The following FMNL3 variants were observed in gnomAD, a reference collection of about 807,000 sequenced individuals.
The protein encoded by FMNL3 is formin-like protein 3.
In FMNL3, 57 loss-of-function variants were observed where a neutral mutation model predicts 119.6. The ratio of observed to expected loss-of-function variants is 0.48; its 90% confidence interval spans 0.39 to 0.59. The LOEUF is 0.59. FMNL3 is among the 20% of genes least tolerant of loss of function. FMNL3 has a pLI of 0.00. For missense variants in FMNL3, 1,053 were observed against 1,323.5 expected, an observed-to-expected ratio of 0.80 and a Z score of 3.17; for synonymous variants, 491 against 507.3, an observed-to-expected ratio of 0.97 and a Z score of 0.43.
In FMNL3 at chr12:49,637,871, A is replaced by T; in HGVS notation, c.*7944T>A. 4 of 1,453,878 alleles carry T rather than the reference A, an allele frequency of 2.8e-6. No homozygotes were observed. Among genetic ancestry groups the T allele is most frequent in the Non-Finnish European group, 3.9e-6 (4 of 1,037,944 alleles). The allele number at this position is 1,453,878 out of a possible 1,614,324, so 90.1% of individuals were successfully genotyped here. Reference sequence around the variant, plus strand: ...GATGGATACAGGATGGATGCAGGGCACACTCCCTGCAGAGGACTCCCTGAT... The same window carrying T: ...GATGGATACAGGATGGATGCAGGGCTCACTCCCTGCAGAGGACTCCCTGAT... On this transcript the variant is annotated 3_prime_UTR_variant, in exon 26 of 26. Coordinates refer to ENST00000335154, the MANE Select transcript of FMNL3 (RefSeq NM_175736.5).
chr12:49,643,847 C>T lies in FMNL3; in HGVS notation c.*1968G>A. 1 of 1,614,152 alleles carries T rather than the reference C, an allele frequency of 6.2e-7. No homozygotes were observed. The highest frequency in any genetic ancestry group is 1.3e-5 in the African/African-American group (1 of 75,040). On this transcript the variant is annotated 3_prime_UTR_variant, in exon 26 of 26. Transcript: ENST00000335154. ...TCCACAGGAACTGAGGAGGTGGGCT[C>T]TGGACTCTTACAGAATAGTCCTGAG...
At chr12:49,664,965 T>G (rs1182864598) in intron 4 of FMNL3, among the ~76,000 whole-genome samples, 1 of 146,540 alleles carries the variant, frequency 6.8e-6, no homozygotes, top group Non-Finnish European at 1.5e-5. Context: ...TCATAAGCAC[T>G]GGACATTTGT....
chr12:49,688,549 A>G, intron 1 of FMNL3: 3 of 455,942 alleles, frequency 6.6e-6, no homozygotes, highest in Non-Finnish European at 1.3e-5. Flanking sequence ...AGGGCTTTGC[A>G]AAAGTTGTTC....
In FMNL3 at chr12:49,643,308, C is replaced by G; in HGVS notation, c.*2507G>C. The G allele has an allele frequency of 6.2e-7, 1 of 1,611,952 alleles. No homozygotes were observed. Among genetic ancestry groups the G allele is most frequent in the Non-Finnish European group, 8.5e-7 (1 of 1,179,198 alleles). On this transcript the variant is annotated 3_prime_UTR_variant, in exon 26 of 26. Coordinates refer to ENST00000335154, the MANE Select transcript of FMNL3 (RefSeq NM_175736.5). ...AGGCGGAACCCCTCAGAGTCAGGCT[C>G]TGAGCCCTCTTCCTCACTTGATTCA...
chr12:49,641,768 G>GC lies in FMNL3; in HGVS notation c.*4046_*4047insG. The GC allele has an allele frequency of 1.5e-6, 1 of 660,122 alleles. No individual in the cohort carries two copies. Among genetic ancestry groups the GC allele is most frequent in the Non-Finnish European group, 2.6e-6 (1 of 381,696 alleles). The allele number at this position is 660,122 out of a possible 1,614,324, so 40.9% of individuals were successfully genotyped here. On this transcript the variant is annotated 3_prime_UTR_variant, in exon 26 of 26. Transcript: ENST00000335154. Reference sequence around the variant, plus strand: ...AAGTGATGAGGACTTGGATAACTTGGTTTCTAATGCAGACCACAGTCCTGT... The same window carrying GC: ...AAGTGATGAGGACTTGGATAACTTGGCTTTCTAATGCAGACCACAGTCCTGT...
At chr12:49,683,943 C>A (rs911705841) in intron 1 of FMNL3, among the ~76,000 whole-genome samples, 3 of 152,198 alleles carry the variant, frequency 2.0e-5, no homozygotes, top group African/African-American at 7.2e-5. Context: ...CTGTCCTATT[C>A]CTAAATACCC....
In FMNL3 at chr12:49,642,135, G is replaced by C; in HGVS notation, c.*3680C>G. On this transcript the variant is annotated 3_prime_UTR_variant, in exon 26 of 26. Coordinates refer to ENST00000335154, the MANE Select transcript of FMNL3 (RefSeq NM_175736.5). The surrounding 1 kb of genome is among the most constrained non-coding windows in gnomAD (Gnocchi z 5.8). ...ATTCCCAATTCAGGGGATGGTGGTA[G>C]AAGCCCAGACCCTAACTTTCCACCT... 6.3e-7 allele frequency: 1 copy of C among 1,598,652 alleles called. No homozygotes were observed. Among genetic ancestry groups the C allele is most frequent in the Non-Finnish European group, 8.5e-7 (1 of 1,170,200 alleles).
In FMNL3 at chr12:49,636,595, C is replaced by G; in HGVS notation, c.*9220G>C. The stretch of plus-strand genomic sequence containing the variant: ...CCACAGAGCCCCCTCCAGGCCCTTC[C>G]CCCACCACCCTGGGTATCCCTAGCA... On this transcript the variant is annotated 3_prime_UTR_variant, in exon 26 of 26. Coordinates refer to ENST00000335154, the MANE Select transcript of FMNL3 (RefSeq NM_175736.5). The G allele has an allele frequency of 1.4e-6, 2 of 1,408,858 alleles. No individual in the cohort carries two copies. The highest frequency in any genetic ancestry group is 9.8e-7 in the Non-Finnish European group (1 of 1,024,236). The allele number at this position is 1,408,858 out of a possible 1,614,324, so 87.3% of individuals were successfully genotyped here. A position where few individuals can be genotyped will look rare whatever the true frequency, so the allele number is the denominator to read the frequency against.
chr12:49,701,983 A>C (rs1944921534), intron 1 of FMNL3, among the ~76,000 whole-genome samples: 1 of 152,096 alleles, frequency 6.6e-6, no homozygotes, highest in Non-Finnish European at 1.5e-5. Context: ...AACAAAAGCA[A>C]AAAACAAACA....
At chr12:49,653,583 G>T in intron 12 of FMNL3, 142 bp downstream of exon 12, 1 of 1,232,388 alleles carries the variant, frequency 8.1e-7, no homozygotes, top group Non-Finnish European at 1.1e-6. Context: ...AGTGGCTCAG[G>T]CCTGAGTATG....
chr12:49,650,626 C>T, intron 17 of FMNL3, 50 bp downstream of exon 17: 1 of 1,601,724 alleles, frequency 6.2e-7, no homozygotes, highest in Non-Finnish European at 8.5e-7. Flanking sequence ...GGGTGGAGAA[C>T]TGGGTTGCCA....
chr12:49,651,877 T>C, intron 14 of FMNL3, 56 bp downstream of exon 14: 1 of 1,493,124 alleles, frequency 6.7e-7, no homozygotes. Flanking sequence ...CTGACTACAG[T>C]TTTGGTCCCC....
intron 1 of FMNL3, chr12:49,688,614 G>T: frequency 2.3e-6 from 1 of 432,764 alleles, no homozygotes. Context: ...ATGATGGCTT[G>T]TGGTAAGTGG....
Position 49,647,797 on chromosome 12 carries a change from T to C in FMNL3, c.2684A>G (p.Tyr895Cys). The change falls in exon 23 of 26, where the codon TAC becomes TGC. Residue 895 changes from tyrosine (Y) to cysteine (C), a missense_variant. Tyr to Cys is a radical substitution (Grantham distance 194). This residue lies in a region of FMNL3 where 324 missense variants were observed against 380.9 expected (regional missense o/e 0.85). Transcript: ENST00000335154. This position sits in a 1 kb window ranked among gnomAD's most constrained non-coding sequence, Gnocchi z 4.9. ...GCCAAAGTAGCGCACAACTGCATTG[T>C]AGGCCTCCTGGGGAAGGGGTGGGCA... ...QRDAKTAEEA[Y>C]NAVVRYFGES... 1 of 1,613,804 alleles carries C rather than the reference T, an allele frequency of 6.2e-7. No homozygotes were observed. Among genetic ancestry groups the C allele is most frequent in the Non-Finnish European group, 8.5e-7 (1 of 1,179,732 alleles).
chr12:49,686,397 C>G (rs1397075799), intron 1 of FMNL3, among the ~76,000 whole-genome samples: 3 of 151,664 alleles, frequency 2.0e-5, no homozygotes, highest in African/African-American at 7.3e-5. Flanking sequence ...CTAGCTAACA[C>G]AGTGAAACCC....
chr12:49,668,639 A>C (rs1943956080), intron 1 of FMNL3, 85 bp from the exon 2 acceptor site: 1 of 1,234,226 alleles, frequency 8.1e-7, no homozygotes, highest in Non-Finnish European at 1.2e-6. Flanking sequence ...CCTTTCTGCT[A>C]CTGGGCCCTC....
Position 49,654,926 on chromosome 12 carries a change from C to T in FMNL3, c.944G>A (p.Ser315Asn), listed in dbSNP as rs1943525554. 1.2e-6 allele frequency: 2 copies of T among 1,614,094 alleles called. No homozygotes were observed. Among genetic ancestry groups the T allele is most frequent in the African/African-American group, 2.7e-5 (2 of 75,048 alleles). Residue 315 changes from serine to asparagine, a missense_variant, in exon 10 of 26, where the codon AGC (serine) becomes AAC (asparagine). Ser to Asn is a conservative substitution (Grantham distance 46). Coordinates refer to ENST00000335154, the MANE Select transcript of FMNL3 (RefSeq NM_175736.5). ...KLMEYFRNED[S>N]NIDFMVACMQ... ...GTTCCTCACCATGAAGTCAATATTG[C>T]TGTCCTCATTCCGGAAATACTCCAT...
chr12:49,674,095 G>A (rs377618030), intron 1 of FMNL3, among the ~76,000 whole-genome samples: 65 of 152,300 alleles, frequency 4.3e-4, no homozygotes, highest in African/African-American at 1.4e-3. Flanking sequence ...CCAAGGCCAA[G>A]CCTGGCTTCG....
rs1235083433 is a variant in FMNL3 at position 49,641,885 on chromosome 12, T to A, written c.*3930A>T. 7 of 1,607,552 alleles carry A rather than the reference T, an allele frequency of 4.4e-6. No individual in the cohort carries two copies. In the Admixed American group the frequency reaches 1.0e-4, roughly 23 times the overall value. ...GGCCTCAGGCACGTGGTGCCCCTGC[T>A]TCATGCACTGCTGTACCCACAGGAC... On this transcript the variant is annotated 3_prime_UTR_variant, in exon 26 of 26. Transcript: ENST00000335154.
Sources: gnomAD v4.1 joint callset for allele counts (sites outside exome capture counted in the v4.1 genomes callset) on GRCh38, gnomAD v4.1.1 for gene constraint, gnomAD v4.1.1 regional missense constraint, Gnocchi (gnomAD v3.1) non-coding constraint, MANE v1.5 for transcripts, NCBI Gene and HGNC (gene_info 2026-07-23, HGNC 2026-07-21) for gene names.